OSGIN2: variants seen among roughly 807,000 people sequenced by gnomAD.
OSGIN2 encodes oxidative stress induced growth inhibitor family member 2.
Under a neutral mutation model 53.8 loss-of-function variants are expected in OSGIN2, and 19 were observed. The ratio of observed to expected loss-of-function variants is 0.35; its 90% confidence interval spans 0.25 to 0.52. The LOEUF is 0.52. Ranked by LOEUF, OSGIN2 falls within the 20% of genes least tolerant of loss-of-function variation. OSGIN2 has a pLI of 0.95. For missense variants in OSGIN2, 520 were observed against 662.7 expected, an observed-to-expected ratio of 0.78 and a Z score of 2.36; for synonymous variants, 236 against 236.0, an observed-to-expected ratio of 1.00 and a Z score of 0.00.
intron 4 of OSGIN2, 83 bp from the exon 5 acceptor site, chr8:89,920,997 G>A: frequency 1.3e-6 from 1 of 784,950 alleles, no homozygotes; most frequent in South Asian, 1.7e-5. Context: ...TAAATGAGAT[G>A]GATATGGTTA....
chr8:89,907,920 CATTCCCGTCGCCTCTG>C (rs1808873984), intron 1 of OSGIN2, among the ~76,000 whole-genome samples: 2 of 152,140 alleles, frequency 1.3e-5, no homozygotes, highest in African/African-American at 4.8e-5. Flanking sequence ...AATGTTTTCC[CATTCCCGTCGCCTCTG>C]ATTTCATTGA....
chr8:89,901,903 G>A (rs1344020037), upstream of OSGIN2: 1 of 152,314 alleles, frequency 6.6e-6, no homozygotes. Context: ...ATTTTCACCC[G>A]GCGTGCTGGT....
At chr8:89,903,396 A>C (rs920120117) in intron 1 of OSGIN2, among the ~76,000 whole-genome samples, 4 of 152,242 alleles carry the variant, frequency 2.6e-5, no homozygotes, top group African/African-American at 9.6e-5. Flanking sequence ...ATACATTTCT[A>C]AAATAAAAGT....
chr8:89,921,042 T>G (rs1199925502), intron 4 of OSGIN2, 38 bp from the exon 5 acceptor site: 3 of 1,250,018 alleles, frequency 2.4e-6, no homozygotes, highest in East Asian at 4.7e-5. Context: ...TTACTTCTTG[T>G]TTTTTGACGG....
intron 5 of OSGIN2, chr8:89,921,409 T>C (rs1436266930): frequency 5.1e-6 from 2 of 391,678 alleles, no homozygotes; most frequent in South Asian, 4.8e-5. Flanking sequence ...TTGTTAATCA[T>C]GGGTTTATCT....
intron 1 of OSGIN2, among the ~76,000 whole-genome samples, chr8:89,906,560 TAAGGATA>T (rs1424827105): frequency 6.6e-6 from 1 of 152,014 alleles, no homozygotes; most frequent in East Asian, 1.9e-4. Context: ...GTTAGTTTGC[TAAGGATA>T]AGGGCCTCCA....
rs932089778 is a variant in OSGIN2, at chr8:89,927,149, G to C, written c.*1617G>C. 1 of 152,072 alleles carries C rather than the reference G, an allele frequency of 6.6e-6. No individual in the cohort carries two copies. Among genetic ancestry groups the C allele is most frequent in the Non-Finnish European group, 1.5e-5 (1 of 68,000 alleles). The allele number at this position is 152,072 out of a possible 1,614,324, so 9.4% of individuals were successfully genotyped here. A position where few individuals can be genotyped will look rare whatever the true frequency, so the allele number is the denominator to read the frequency against. ...CTGTTTTTGACCTCTGCATGAGTTG[G>C]ATTAGATGTTTTTCTTACTGTCACT... On this transcript the variant is annotated 3_prime_UTR_variant, in exon 6 of 6. Transcript: ENST00000451899.
At position 89,924,592 on chromosome 8, in the gene OSGIN2, G is replaced by T; in HGVS notation, c.710G>T (p.Arg237Ile). ...GTCATGGGTCTTCAGAAGAATTTCA[G>T]AGAGAATACTTACATAACTTCCGTA... The part of the protein sequence containing the change: ...VKVMGLQKNF[R>I]ENTYITSVSR... Residue 237 changes from arginine (R) to isoleucine (I), a missense_variant, in exon 6 of 6, where the codon AGA becomes ATA. Physicochemically the swap from Arg to Ile is moderately conservative, Grantham distance 97 (BLOSUM62 -3). Around this residue, in one of 3 missense-constraint regions of OSGIN2, gnomAD observed 78 missense variants for 59.1 expected, o/e 1.32. Coordinates refer to ENST00000451899, the MANE Select transcript of OSGIN2 (RefSeq NM_001126111.3). 1.2e-6 allele frequency: 2 copies of T among 1,613,716 alleles called. No individual in the cohort carries two copies. The highest frequency in any genetic ancestry group is 1.7e-6 in the Non-Finnish European group (2 of 1,179,660).
At chr8:89,922,479 G>A (rs1034570863) in intron 5 of OSGIN2, among the ~76,000 whole-genome samples, 1 of 152,184 alleles carries the variant, frequency 6.6e-6, no homozygotes, top group African/African-American at 2.4e-5. Context: ...AAAGCTTTAT[G>A]ATTTATGTAC....
At chr8:89,909,011 CAAAAAAAAAA>C (rs35635974) in intron 1 of OSGIN2, among the ~76,000 whole-genome samples, 17 of 38,394 alleles carry the variant, frequency 4.4e-4, no homozygotes, top group Non-Finnish European at 5.3e-4. Context: ...ACCTTGTTTC[CAAAAAAAAAA>C]AAAAAAAAAA....
chr8:89,902,954 T>C, intron 1 of OSGIN2, 117 bp downstream of exon 1: 1 of 417,564 alleles, frequency 2.4e-6, no homozygotes, highest in Non-Finnish European at 3.5e-6. Context: ...CGCAGCGTCC[T>C]CCCGCCTCGG....
chr8:89,921,133 T>A lies in OSGIN2; in HGVS notation c.582T>A (p.Pro194=). The A allele has an allele frequency of 6.2e-7, 1 of 1,606,570 alleles. No individual in the cohort carries two copies. Among genetic ancestry groups the A allele is most frequent in the Non-Finnish European group, 8.5e-7 (1 of 1,175,238 alleles). The change falls in exon 5 of 6, where the codon CCT becomes CCA. Residue 194 remains proline (P), a synonymous_variant. Transcript: ENST00000451899. The part of the protein sequence containing the change: ...TISFGSWMEL[P]GLKFKDWVSS... ...GCTTTGGAAGTTGGATGGAACTACC[T>A]GGACTTAAATTTAAGGACTGGGTAT... is the stretch of plus-strand genomic sequence containing the variant.
rs373186063 is a variant in OSGIN2 at position 89,914,726 on chromosome 8, C to T, written c.508C>T (p.Pro170Ser). 11 of 1,613,328 alleles carry T rather than the reference C, an allele frequency of 6.8e-6. No individual in the cohort carries two copies. Among genetic ancestry groups the T allele is most frequent in the Non-Finnish European group, 7.6e-6 (9 of 1,179,430 alleles). ...YIPHVVLGKG[P>S]PGGAWHNMEG... ...CCCTCACGTAGTTCTTGGTAAAGGT[C>T]CACCTGGTGGGGCTTGGCATGTGAG... Residue 170 changes from proline to serine, a missense_variant, in exon 4 of 6, where the codon CCA becomes TCA. Transcript: ENST00000451899.
chr8:89,920,204 T>TG (rs904032635), intron 4 of OSGIN2, among the ~76,000 whole-genome samples: 1 of 152,192 alleles, frequency 6.6e-6, no homozygotes, highest in Non-Finnish European at 1.5e-5. Flanking sequence ...GGTGGCAGCT[T>TG]GCTACATTCT....
intron 1 of OSGIN2, among the ~76,000 whole-genome samples, chr8:89,903,257 C>G (rs1050705465): frequency 6.6e-6 from 1 of 152,214 alleles, no homozygotes; most frequent in Non-Finnish European, 1.5e-5. Flanking sequence ...TCAGTGTCAT[C>G]TAATCACAAA....
rs1314632313 is a variant in OSGIN2, at chr8:89,926,597, TAGC to T, written c.*1069_*1071del. The stretch of plus-strand genomic sequence containing the variant: ...CTATTAGTATTCATTCGAGATGACA[TAGC>T]AGCTCATATCATGGTTGTTTATTGG... On this transcript the variant is annotated 3_prime_UTR_variant, in exon 6 of 6. Coordinates refer to ENST00000451899, the MANE Select transcript of OSGIN2 (RefSeq NM_001126111.3). 3.9e-5 allele frequency: 6 copies of T among 152,528 alleles called. No homozygotes were observed. The highest frequency in any genetic ancestry group is 2.1e-4 in the South Asian group (1 of 4,836). 9.4% of individuals were successfully genotyped at this position (152,528 alleles called of 1,614,324 possible).
intron 1 of OSGIN2, among the ~76,000 whole-genome samples, chr8:89,906,369 G>T (rs1373179815): frequency 6.6e-6 from 1 of 152,144 alleles, no homozygotes; most frequent in African/African-American, 2.4e-5. Context: ...AAGCCATCCT[G>T]GGCCGCATGT....
In OSGIN2 at chr8:89,927,537, G is replaced by C. The variant is rs1586013933; in HGVS notation, c.*2005G>C. 6.6e-6 allele frequency: 1 copy of C among 152,298 alleles called. No homozygotes were observed. Among genetic ancestry groups the C allele is most frequent in the East Asian group, 1.9e-4 (1 of 5,188 alleles). The allele number at this position is 152,298 out of a possible 1,614,324, so 9.4% of individuals were successfully genotyped here. A position where few individuals can be genotyped will look rare whatever the true frequency, so the allele number is the denominator to read the frequency against. ...TTGCTATCAGCTATAGCTATTCATG[G>C]AAGGGAAGAATCACTAAATACTTGT... On this transcript the variant is annotated 3_prime_UTR_variant, in exon 6 of 6. Transcript: ENST00000451899.
intron 1 of OSGIN2, among the ~76,000 whole-genome samples, chr8:89,906,421 CCCT>C (rs796980582): frequency 7.9e-4 from 120 of 152,286 alleles, no homozygotes; most frequent in African/African-American, 2.8e-3. Flanking sequence ...TTGATCCTCT[CCCT>C]CCTCCCACCC....
Sources: gnomAD v4.1 joint callset for allele counts (sites outside exome capture counted in the v4.1 genomes callset) on GRCh38, gnomAD v4.1.1 for gene constraint, gnomAD v4.1.1 regional missense constraint, MANE v1.5 for transcripts, NCBI Gene and HGNC (gene_info 2026-07-23, HGNC 2026-07-21) for gene names.